The following SV2B variants were observed in gnomAD, a reference collection of about 807,000 sequenced individuals.
SV2B encodes solute carrier family 22 member B2.
SV2B carries 41 observed loss-of-function variants against 73.9 expected under a neutral mutation model. That is an observed-to-expected ratio of 0.56 (90% CI 0.43 to 0.72). SV2B has a LOEUF of 0.72. Among genes scored for constraint, SV2B ranks in the 30% least tolerant of loss-of-function variants. The pLI is 0.00. For missense variants in SV2B, 764 were observed against 857.8 expected (o/e 0.89, Z 1.37); for synonymous variants, 314 against 314.2 (o/e 1.00, Z 0.01).
chr15:91,181,955 A>G lies in SV2B; in HGVS notation c.-391-43918A>G, dbSNP rs545230485. Among the ~76,000 whole-genome samples, 19 of 152,238 alleles carry G rather than the reference A, an allele frequency of 1.2e-4. 1 individual carries two copies. In the South Asian group the frequency reaches 3.7e-3, roughly 30 times the overall value. On this transcript the variant is annotated intron_variant, in intron 1 of 12. Coordinates refer to ENST00000394232, the MANE Select transcript of SV2B (RefSeq NM_001323032.3). ...GATAGGTAGACACATATATGTATATATGTATTTACATGTTAGGCATTTTTA... is the reference window on the plus strand; with the variant it reads ...GATAGGTAGACACATATATGTATATGTGTATTTACATGTTAGGCATTTTTA...
At position 91,258,379 on chromosome 15, in the gene SV2B, G is replaced by T. The variant is rs746466304; in HGVS notation, c.785-42G>T. The T allele has an allele frequency of 3.1e-6, 5 of 1,610,512 alleles. No homozygotes were observed. The African/African-American group carries it at 4.0e-5, about 13-fold the overall frequency. ...AGAGTCACTCTTCCGTAGAGGAAAA[G>T]ATCATGTCCCAGAAATCCTTTGACT... On this transcript the variant is annotated intron_variant, in intron 4 of 12. Coordinates refer to ENST00000394232, the MANE Select transcript of SV2B (RefSeq NM_001323032.3). This position sits in a 1 kb window ranked among gnomAD's most constrained non-coding sequence, Gnocchi z 4.7.
At chr15:91,263,521 G>C (rs1041739262) in intron 6 of SV2B, among the ~76,000 whole-genome samples, 15 of 148,814 alleles carry the variant, frequency 1.0e-4, no homozygotes, top group African/African-American at 3.5e-4. Flanking sequence ...TGTAGATGCA[G>C]AGACACACAG....
chr15:91,138,592 A>T (rs1294957991), intron 1 of SV2B, among the ~76,000 whole-genome samples: 3 of 152,228 alleles, frequency 2.0e-5, no homozygotes, highest in Non-Finnish European at 4.4e-5. Flanking sequence ...ATCTGTACTA[A>T]ATGGGTACAG....
chr15:91,156,003 T>C (rs1006457847), intron 1 of SV2B, among the ~76,000 whole-genome samples: 1 of 152,038 alleles, frequency 6.6e-6, no homozygotes, highest in Non-Finnish European at 1.5e-5. Flanking sequence ...GATGAGCTGA[T>C]ATAGAAATAA....
At chr15:91,250,324 A>G (rs981475929) in intron 2 of SV2B, among the ~76,000 whole-genome samples, 4 of 152,188 alleles carry the variant, frequency 2.6e-5, no homozygotes, top group African/African-American at 9.6e-5. Flanking sequence ...TCCTTTCGTG[A>G]TAAAAATTCT....
intron 1 of SV2B, among the ~76,000 whole-genome samples, chr15:91,147,161 A>T (rs992695575): frequency 6.6e-6 from 1 of 152,110 alleles, no homozygotes; most frequent in Non-Finnish European, 1.5e-5. Flanking sequence ...TTAGCCTTAA[A>T]CTCTTCACAT....
chr15:91,232,256 T>C lies in SV2B; in HGVS notation c.451+5542T>C, dbSNP rs984427983. Among the ~76,000 whole-genome samples, 1 of 152,258 alleles carries C rather than the reference T, an allele frequency of 6.6e-6. No individual in the cohort carries two copies. Among genetic ancestry groups the C allele is most frequent in the Admixed American group, 6.5e-5 (1 of 15,284 alleles). On this transcript the variant is annotated intron_variant, in intron 2 of 12. Coordinates refer to ENST00000394232, the MANE Select transcript of SV2B (RefSeq NM_001323032.3). The surrounding 1 kb of genome is among the most constrained non-coding windows in gnomAD (Gnocchi z 4.7). ...CTGGGAATGTCCATGTATTTCTTTC[T>C]GTGTTTGATTTATATCAGTTGTTCT...
chr15:91,189,047 A>G (rs1466407775), intron 1 of SV2B, among the ~76,000 whole-genome samples: 1 of 152,040 alleles, frequency 6.6e-6, no homozygotes, highest in Non-Finnish European at 1.5e-5. Flanking sequence ...GCGGGTCTCA[A>G]AATCCTGACC....
chr15:91,265,221 A>G lies in SV2B; in HGVS notation c.1009-1361A>G, dbSNP rs185201028. Among the ~76,000 whole-genome samples the G allele has an allele frequency of 6.6e-6, 1 of 152,282 alleles. No individual in the cohort carries two copies. Among genetic ancestry groups the G allele is most frequent in the East Asian group, 1.9e-4 (1 of 5,168 alleles). On this transcript the variant is annotated intron_variant, in intron 6 of 12. Coordinates refer to ENST00000394232, the MANE Select transcript of SV2B (RefSeq NM_001323032.3). The surrounding 1 kb of genome is among the most constrained non-coding windows in gnomAD (Gnocchi z 4.2). Reference sequence around the variant, plus strand: ...GCAGTCACACTCTTAGTTGATGCCCATGCCGTGAGCTCTAGGTTTTACCAG... The same window carrying G: ...GCAGTCACACTCTTAGTTGATGCCCGTGCCGTGAGCTCTAGGTTTTACCAG...
In SV2B at chr15:91,201,548, C is replaced by A. The variant is rs117989087; in HGVS notation, c.-391-24325C>A. On this transcript the variant is annotated intron_variant, in intron 1 of 12. Coordinates refer to ENST00000394232, the MANE Select transcript of SV2B (RefSeq NM_001323032.3). The stretch of plus-strand genomic sequence containing the variant: ...GTGCAGTGCCATTTCTCCCTGAACT[C>A]TGTTGCCTGTAATAGCTAACTTCCA... Among the ~76,000 whole-genome samples the A allele has an allele frequency of 9.4e-3, 1,433 of 152,296 alleles. 7 individuals are homozygous for A. Among genetic ancestry groups the A allele is most frequent in the Middle Eastern group, 0.024 (7 of 294 alleles).
rs554811312 is a variant in SV2B, at chr15:91,129,553, C to T, written c.-392+29190C>T. On this transcript the variant is annotated intron_variant, in intron 1 of 12. Transcript: ENST00000394232. This position sits in a 1 kb window ranked among gnomAD's most constrained non-coding sequence, Gnocchi z 5.1. ...GCTGCAAGGGTGGACAGAACCAAAA[C>T]AGAAGGTCACATGTGCCCAGCACAG... Among the ~76,000 whole-genome samples the T allele has an allele frequency of 6.6e-6, 1 of 152,302 alleles. No homozygotes were observed. Among genetic ancestry groups the T allele is most frequent in the Non-Finnish European group, 1.5e-5 (1 of 68,040 alleles).
chr15:91,208,338 A>G (rs887899676), intron 1 of SV2B, among the ~76,000 whole-genome samples: 4 of 152,144 alleles, frequency 2.6e-5, no homozygotes, highest in Admixed American at 1.3e-4. Flanking sequence ...TCGGGGAATC[A>G]TTGCTTTGTG....
intron 1 of SV2B, among the ~76,000 whole-genome samples, chr15:91,108,849 G>A (rs2041960377): frequency 6.6e-6 from 1 of 152,194 alleles, no homozygotes; most frequent in Non-Finnish European, 1.5e-5. Flanking sequence ...TAGCAACAAA[G>A]ACCCACACCT....
chr15:91,154,128 TTAA>T (rs1020950817), intron 1 of SV2B, among the ~76,000 whole-genome samples: 23 of 147,878 alleles, frequency 1.6e-4, no homozygotes, highest in Admixed American at 5.4e-4. Flanking sequence ...TATCAATATA[TTAA>T]TATTTGATAT....
In SV2B at chr15:91,141,714, T is replaced by G. The variant is rs554902644; in HGVS notation, c.-392+41351T>G. On this transcript the variant is annotated intron_variant, in intron 1 of 12. Transcript: ENST00000394232. The surrounding 1 kb of genome is among the most constrained non-coding windows in gnomAD (Gnocchi z 4.6). ...TTTTTTTCCTAAGGGTTCAAGCCAA[T>G]AGAGTTGCCAAATAGTTTGGGTTTT... 6.6e-6 allele frequency among the ~76,000 whole-genome samples: 1 copy of G among 151,672 alleles called. No individual in the cohort carries two copies. Among genetic ancestry groups the G allele is most frequent in the African/African-American group, 2.4e-5 (1 of 41,450 alleles).
intron 1 of SV2B, among the ~76,000 whole-genome samples, chr15:91,221,666 A>C (rs2046214328): frequency 7.5e-6 from 1 of 132,630 alleles, no homozygotes. Context: ...GCCTCACCTC[A>C]CCTGTGGACT....
chr15:91,193,639 T>G (rs1596556325), intron 1 of SV2B, among the ~76,000 whole-genome samples: 1 of 152,340 alleles, frequency 6.6e-6, no homozygotes, highest in South Asian at 2.1e-4. Flanking sequence ...TCTGCCATTC[T>G]GAAAGCAGCT....
At chr15:91,249,655 A>G (rs918046721) in intron 2 of SV2B, among the ~76,000 whole-genome samples, 2 of 152,232 alleles carry the variant, frequency 1.3e-5, no homozygotes, top group African/African-American at 4.8e-5. Flanking sequence ...GGCTCAAATA[A>G]AATTAGAAAT....
rs902644285 is a variant in SV2B, at chr15:91,100,983, A to C, written c.-392+620A>C. On this transcript the variant is annotated intron_variant, in intron 1 of 12. Coordinates refer to ENST00000394232, the MANE Select transcript of SV2B (RefSeq NM_001323032.3). This position sits in a 1 kb window ranked among gnomAD's most constrained non-coding sequence, Gnocchi z 6.4. Reference sequence around the variant, plus strand: ...GCGTTTAGCCAGGGAGGAGCAAGGCACCGCTGTGTCTTCGGCAGACGGGTG... The same window carrying C: ...GCGTTTAGCCAGGGAGGAGCAAGGCCCCGCTGTGTCTTCGGCAGACGGGTG... Among the ~76,000 whole-genome samples the C allele has an allele frequency of 1.3e-5, 2 of 152,186 alleles. No homozygotes were observed. The highest frequency in any genetic ancestry group is 2.9e-5 in the Non-Finnish European group (2 of 68,028).
Sources: allele counts gnomAD v4.1 joint callset (sites outside exome capture counted in the v4.1 genomes callset), GRCh38; gene constraint gnomAD v4.1.1; non-coding constraint Gnocchi (gnomAD v3.1); transcripts MANE v1.5; gene names NCBI Gene and HGNC (gene_info 2026-07-23, HGNC 2026-07-21).